RBFOX2: variants seen among roughly 807,000 people sequenced by gnomAD.
The protein encoded by RBFOX2 is RNA binding fox-1 homolog 2, also known as RNA binding protein fox-1 homolog 2.
RBFOX2 carries 10 observed loss-of-function variants against 49.1 expected under a neutral mutation model. The ratio of observed to expected loss-of-function variants is 0.20; its 90% CI spans 0.13 to 0.35. The LOEUF (loss-of-function observed/expected upper bound fraction) is 0.35. Among genes scored for constraint, RBFOX2 ranks in the 10% least tolerant of loss-of-function variants. RBFOX2 has a pLI of 1.00. For synonymous variants in RBFOX2, 183 were observed against 187.4 expected, an observed-to-expected ratio of 0.98 and a Z score of 0.19; for missense variants, 323 against 486.9, an observed-to-expected ratio of 0.66 and a Z score of 3.17.
chr22:35,838,264 CT>C (rs527350781), intron 1 of RBFOX2, among the ~76,000 whole-genome samples: 291 of 142,412 alleles, frequency 2.0e-3, no homozygotes, highest in Middle Eastern at 7.3e-3. Context: ...TATTTCTTTT[CT>C]TTTTTTTTTT....
At chr22:36,015,661 C>A (rs529547040) in intron 1 of RBFOX2, among the ~76,000 whole-genome samples, 6 of 152,316 alleles carry the variant, frequency 3.9e-5, no homozygotes, top group African/African-American at 1.4e-4. Context: ...CATATTCAGA[C>A]TAATTAGGGG....
intron 1 of RBFOX2, among the ~76,000 whole-genome samples, chr22:35,906,197 G>C (rs879498823): frequency 6.6e-6 from 1 of 152,158 alleles, no homozygotes; most frequent in Non-Finnish European, 1.5e-5. Flanking sequence ...TTTTAAATGG[G>C]AGGAAAAGAT....
intron 5 of RBFOX2, among the ~76,000 whole-genome samples, chr22:35,765,880 T>C (rs1940797896): frequency 6.6e-6 from 1 of 152,198 alleles, no homozygotes; most frequent in Non-Finnish European, 1.5e-5. Flanking sequence ...AATAGATTGA[T>C]GGAAAGGTGA....
intron 1 of RBFOX2, among the ~76,000 whole-genome samples, chr22:35,833,235 A>T (rs1957106956): frequency 6.6e-6 from 1 of 152,332 alleles, no homozygotes; most frequent in Admixed American, 6.5e-5. Context: ...TCAAGGAAGT[A>T]GGAAAAATAA....
intron 2 of RBFOX2, among the ~76,000 whole-genome samples, chr22:35,795,410 TG>T (rs940637688): frequency 6.6e-6 from 1 of 152,082 alleles, no homozygotes; most frequent in African/African-American, 2.4e-5. Flanking sequence ...TGATAGACTG[TG>T]GCCCCCCTTC....
intron 6 of RBFOX2, among the ~76,000 whole-genome samples, chr22:35,762,455 A>T (rs553675340): frequency 3.3e-5 from 5 of 150,686 alleles, no homozygotes; most frequent in Non-Finnish European, 1.5e-5. Context: ...GTGCCACACT[A>T]TTCTATAAAT....
chr22:36,000,903 A>G (rs1026773923), intron 1 of RBFOX2, among the ~76,000 whole-genome samples: 1 of 152,180 alleles, frequency 6.6e-6, no homozygotes, highest in East Asian at 1.9e-4. Flanking sequence ...TTTAGAAATG[A>G]AAGTTCTTTA....
chr22:35,867,922 C>A (rs1029441643), intron 1 of RBFOX2, among the ~76,000 whole-genome samples: 27 of 152,196 alleles, frequency 1.8e-4, no homozygotes, highest in African/African-American at 5.5e-4. Context: ...TTTTTAAAAA[C>A]CAGTTCTGCC....
exon 1 of RBFOX2, chr22:36,028,409 T>A (rs1374448836): frequency 1.6e-6 from 2 of 1,233,542 alleles, no homozygotes; most frequent in Non-Finnish European, 2.0e-6. Context: ...CTGATGCGGC[T>A]GGGCGCCCTC....
chr22:35,818,707 A>C (rs538630824), intron 1 of RBFOX2, among the ~76,000 whole-genome samples: 1 of 152,264 alleles, frequency 6.6e-6, no homozygotes, highest in East Asian at 1.9e-4. Flanking sequence ...GGACCACTTG[A>C]GCCCAGGAGT....
upstream of RBFOX2, among the ~76,000 whole-genome samples, chr22:35,942,098 C>T (rs1371346892): frequency 6.6e-6 from 1 of 152,212 alleles, no homozygotes; most frequent in Non-Finnish European, 1.5e-5. Flanking sequence ...CTCTTATAAA[C>T]TATAAACATG....
At chr22:36,003,142 A>C (rs956107611) in intron 1 of RBFOX2, among the ~76,000 whole-genome samples, 1 of 152,196 alleles carries the variant, frequency 6.6e-6, no homozygotes, top group African/African-American at 2.4e-5. Context: ...CTGTTCCTAC[A>C]AGTTGGAATT....
intron 1 of RBFOX2, among the ~76,000 whole-genome samples, chr22:35,925,737 A>G (rs1208943463): frequency 6.6e-6 from 1 of 152,238 alleles, no homozygotes; most frequent in Admixed American, 6.5e-5. Context: ...CCCACCCCAC[A>G]GTGTGGCTTG....
At chr22:35,838,286 AG>A (rs1214568593) in intron 1 of RBFOX2, among the ~76,000 whole-genome samples, 1 of 148,546 alleles carries the variant, frequency 6.7e-6, no homozygotes, top group African/African-American at 2.5e-5. Flanking sequence ...TTAATTCTTC[AG>A]CTAAAACAGC....
chr22:35,827,708 ATAAT>A (rs959278577), intron 1 of RBFOX2, among the ~76,000 whole-genome samples: 3 of 152,230 alleles, frequency 2.0e-5, no homozygotes, highest in African/African-American at 7.2e-5. Flanking sequence ...ACTTTGTATT[ATAAT>A]TACTTACACA....
At chr22:36,023,760 G>A (rs941663010) in intron 1 of RBFOX2, among the ~76,000 whole-genome samples, 3 of 151,972 alleles carry the variant, frequency 2.0e-5, no homozygotes, top group Admixed American at 6.6e-5. Flanking sequence ...TCTGGTTCAC[G>A]TTTCTCTATT....
chr22:35,886,017 C>T (rs1052076327), intron 1 of RBFOX2, among the ~76,000 whole-genome samples: 10 of 151,782 alleles, frequency 6.6e-5, no homozygotes, highest in South Asian at 2.1e-4. Context: ...CCACCACATC[C>T]GGCTAATTTT....
intron 3 of RBFOX2, among the ~76,000 whole-genome samples, chr22:35,780,208 G>A (rs964355837): frequency 7.2e-5 from 11 of 152,004 alleles, no homozygotes; most frequent in South Asian, 2.1e-4. Context: ...TCTTTAGTGC[G>A]GAAAATACAT....
At chr22:35,854,670 T>C (rs2042315738) in intron 1 of RBFOX2, among the ~76,000 whole-genome samples, 1 of 152,118 alleles carries the variant, frequency 6.6e-6, no homozygotes, top group Non-Finnish European at 1.5e-5. Context: ...ATATCTCACC[T>C]AGGTTCTGCT....
Sources: gnomAD v4.1 joint callset for allele counts (sites outside exome capture counted in the v4.1 genomes callset) on GRCh38, gnomAD v4.1.1 for gene constraint, MANE v1.5 for transcripts, NCBI Gene and HGNC (gene_info 2026-07-23, HGNC 2026-07-21) for gene names.